The following PHACTR1 variants were observed in gnomAD, a reference collection of about 807,000 sequenced individuals.
PHACTR1 encodes the protein phosphatase and actin regulator 1.
In PHACTR1, 16 loss-of-function variants were observed where a neutral mutation model predicts 69.2. That is an observed-to-expected ratio of 0.23 (90% CI 0.16 to 0.35). The LOEUF (loss-of-function observed/expected upper bound fraction) is 0.35. Among genes scored for constraint, PHACTR1 ranks in the 10% least tolerant of loss-of-function variants. PHACTR1 has a pLI of 1.00. For synonymous variants in PHACTR1, 312 were observed against 284.5 expected, an observed-to-expected ratio of 1.10 and a Z score of -0.97; for missense variants, 510 against 734.7, an observed-to-expected ratio of 0.69 and a Z score of 3.54.
chr6:13,276,859 G>A (rs1275272078), intron 11 of PHACTR1, among the ~76,000 whole-genome samples: 1 of 152,182 alleles, frequency 6.6e-6, no homozygotes, highest in Non-Finnish European at 1.5e-5. Context: ...TGAATTGCAT[G>A]TGTGCACCAA....
chr6:13,059,832 G>T (rs184488068), intron 5 of PHACTR1, among the ~76,000 whole-genome samples: 1 of 152,072 alleles, frequency 6.6e-6, no homozygotes, highest in South Asian at 2.1e-4. Context: ...AGAGTTGGCA[G>T]TTGAATATGT....
chr6:13,221,437 G>C (rs1768607195), intron 8 of PHACTR1, among the ~76,000 whole-genome samples: 1 of 151,608 alleles, frequency 6.6e-6, no homozygotes, highest in Non-Finnish European at 1.5e-5. Flanking sequence ...GGGTGGGTGG[G>C]GAGGGGGAGG....
At chr6:13,135,522 A>T (rs1451995551) in intron 5 of PHACTR1, among the ~76,000 whole-genome samples, 1 of 152,228 alleles carries the variant, frequency 6.6e-6, no homozygotes, top group Non-Finnish European at 1.5e-5. Flanking sequence ...TATTACACTG[A>T]GAAGACTTTT....
intron 5 of PHACTR1, among the ~76,000 whole-genome samples, chr6:13,100,937 G>A (rs566722654): frequency 6.6e-6 from 1 of 152,288 alleles, no homozygotes; most frequent in South Asian, 2.1e-4. Flanking sequence ...CAGTACATTA[G>A]AATTTCTTAA....
chr6:13,240,745 C>A (rs1772719941), intron 10 of PHACTR1, among the ~76,000 whole-genome samples: 1 of 152,160 alleles, frequency 6.6e-6, no homozygotes, highest in African/African-American at 2.4e-5. Context: ...CTGTACCCAG[C>A]CAGGATATTT....
intron 4 of PHACTR1, among the ~76,000 whole-genome samples, chr6:12,924,238 A>ACTC (rs1446946973): frequency 7.2e-5 from 11 of 152,234 alleles, no homozygotes; most frequent in Non-Finnish European, 1.5e-4. Context: ...AAATATATTT[A>ACTC]CATATAGGCA....
intron 4 of PHACTR1, among the ~76,000 whole-genome samples, chr6:12,768,256 T>A (rs1326611650): frequency 1.3e-5 from 2 of 151,890 alleles, no homozygotes; most frequent in Non-Finnish European, 2.9e-5. Context: ...CTGGGACTAC[T>A]GGCACCCGCC....
At chr6:12,798,559 T>G (rs1356629440) in intron 4 of PHACTR1, among the ~76,000 whole-genome samples, 1 of 152,184 alleles carries the variant, frequency 6.6e-6, no homozygotes, top group African/African-American at 2.4e-5. Flanking sequence ...GAGTAACAAA[T>G]GACCAATTTA....
At chr6:12,999,063 T>G (rs1408624184) in intron 4 of PHACTR1, among the ~76,000 whole-genome samples, 1 of 152,150 alleles carries the variant, frequency 6.6e-6, no homozygotes, top group African/African-American at 2.4e-5. Flanking sequence ...TAAGCTAAAG[T>G]TGCACGTACC....
rs140260632 is a variant in PHACTR1 at position 12,842,616 on chromosome 6, A to G, written c.250+92826A>G. On this transcript the variant is annotated intron_variant, in intron 4 of 14. Transcript: ENST00000332995. ...GAGTGCAGTGGTGTGATCAAGGCTC[A>G]CTGCAGCCTCCACCTCCTGGGCCTA... Among the ~76,000 whole-genome samples, 1,171 of 152,240 alleles carry G rather than the reference A, an allele frequency of 7.7e-3. 20 individuals carry two copies. The highest frequency in any genetic ancestry group is 0.026 in the African/African-American group (1,066 of 41,540).
At chr6:12,720,102 C>T (rs541021773) in intron 3 of PHACTR1, among the ~76,000 whole-genome samples, 14 of 152,248 alleles carry the variant, frequency 9.2e-5, no homozygotes, top group African/African-American at 3.4e-4. Context: ...AGAGACTGGC[C>T]AGGACCTCCA....
At chr6:12,961,439 C>T (rs533355760) in intron 4 of PHACTR1, among the ~76,000 whole-genome samples, 5 of 152,242 alleles carry the variant, frequency 3.3e-5, no homozygotes, top group Middle Eastern at 3.4e-3. Flanking sequence ...TAAATCATGC[C>T]ATTGAGTCAG....
chr6:12,945,185 C>T (rs1790542067), intron 4 of PHACTR1, among the ~76,000 whole-genome samples: 1 of 152,118 alleles, frequency 6.6e-6, no homozygotes, highest in South Asian at 2.1e-4. Flanking sequence ...TCCCATCTGA[C>T]TAACTCCTAC....
At chr6:12,768,037 G>A (rs1768866817) in intron 4 of PHACTR1, among the ~76,000 whole-genome samples, 1 of 150,870 alleles carries the variant, frequency 6.6e-6, no homozygotes, top group Non-Finnish European at 1.5e-5. Flanking sequence ...ACCTGATTTT[G>A]ACAAGTTTGA....
intron 5 of PHACTR1, among the ~76,000 whole-genome samples, chr6:13,087,751 T>G (rs1175089129): frequency 2.0e-5 from 3 of 151,742 alleles, no homozygotes; most frequent in Non-Finnish European, 4.4e-5. Flanking sequence ...GCTCAGGTGA[T>G]CCTCCCACCT....
intron 4 of PHACTR1, among the ~76,000 whole-genome samples, chr6:12,766,042 T>A (rs1475026735): frequency 6.6e-6 from 1 of 152,166 alleles, no homozygotes; most frequent in East Asian, 1.9e-4. Flanking sequence ...GACTCGGAAA[T>A]TTTTTTCTTT....
chr6:12,829,883 A>T (rs1777224132), intron 4 of PHACTR1, among the ~76,000 whole-genome samples: 3 of 149,650 alleles, frequency 2.0e-5, no homozygotes, highest in African/African-American at 7.4e-5. Context: ...GCTTGAACCC[A>T]GGAGGCGGAG....
chr6:12,820,102 G>GT (rs1776036902), intron 4 of PHACTR1, among the ~76,000 whole-genome samples: 1 of 152,182 alleles, frequency 6.6e-6, no homozygotes, highest in African/African-American at 2.4e-5. Flanking sequence ...GCATACAAGT[G>GT]TAAGTCATTT....
At chr6:12,920,434 A>G (rs973628633) in intron 4 of PHACTR1, among the ~76,000 whole-genome samples, 3 of 152,256 alleles carry the variant, frequency 2.0e-5, no homozygotes, top group Non-Finnish European at 4.4e-5. Flanking sequence ...GAGCAGATTA[A>G]GAACTTTTAA....
Sources: gnomAD v4.1 joint callset for allele counts (sites outside exome capture counted in the v4.1 genomes callset) on GRCh38, gnomAD v4.1.1 for gene constraint, MANE v1.5 for transcripts, NCBI Gene and HGNC (gene_info 2026-07-23, HGNC 2026-07-21) for gene names.